Variants in STXBP5L observed in about 807,000 individuals in gnomAD.
The protein encoded by STXBP5L is syntaxin binding protein 5L, also known as syntaxin-binding protein 5-like.
In STXBP5L, 65 loss-of-function variants were observed where a neutral mutation model predicts 144.5. That is an observed-to-expected ratio of 0.45 (90% confidence interval 0.37 to 0.55). The LOEUF is 0.55. Ranked by LOEUF, STXBP5L falls within the 20% of genes least tolerant of loss-of-function variation. STXBP5L has a pLI of 0.00. For missense variants in STXBP5L, 1,298 were observed against 1,405.5 expected (o/e 0.92, Z 1.22); for synonymous variants, 505 against 469.6 (o/e 1.08, Z -0.97).
intron 19 of STXBP5L, among the ~76,000 whole-genome samples, chr3:121,287,756 G>A (rs2051281351): frequency 6.6e-6 from 1 of 151,986 alleles, no homozygotes; most frequent in Non-Finnish European, 1.5e-5. Context: ...TTGAACCCAG[G>A]AGGCAGAGGT....
At chr3:121,384,424 A>C (rs1376695920) in intron 22 of STXBP5L, among the ~76,000 whole-genome samples, 5 of 152,082 alleles carry the variant, frequency 3.3e-5, no homozygotes, top group African/African-American at 1.2e-4. Flanking sequence ...AGCATTTTCG[A>C]AGACCAAAGT....
chr3:121,324,927 A>G (rs2044093927), intron 20 of STXBP5L, among the ~76,000 whole-genome samples: 2 of 152,038 alleles, frequency 1.3e-5, no homozygotes, highest in South Asian at 4.1e-4. Context: ...TGAAATCTTA[A>G]GATCCAAACA....
chr3:121,148,650 G>C (rs2107970737), intron 7 of STXBP5L, among the ~76,000 whole-genome samples: 1 of 152,162 alleles, frequency 6.6e-6, no homozygotes, highest in South Asian at 2.1e-4. Flanking sequence ...GAAGGAAATG[G>C]AACTCATATA....
intron 3 of STXBP5L, among the ~76,000 whole-genome samples, chr3:121,039,069 T>G (rs1298628430): frequency 6.6e-6 from 1 of 152,000 alleles, no homozygotes; most frequent in Non-Finnish European, 1.5e-5. Context: ...CACTGCATTT[T>G]AAATGGGGTG....
chr3:121,255,752 C>G (rs1003084674), intron 16 of STXBP5L, among the ~76,000 whole-genome samples: 2 of 151,686 alleles, frequency 1.3e-5, no homozygotes, highest in African/African-American at 4.8e-5. Flanking sequence ...TATGGGGCAA[C>G]CTTACCTAAT....
At chr3:121,313,012 GC>G (rs1341468490) in intron 19 of STXBP5L, among the ~76,000 whole-genome samples, 1 of 151,814 alleles carries the variant, frequency 6.6e-6, no homozygotes, top group African/African-American at 2.4e-5. Flanking sequence ...GGGCAGAGGG[GC>G]TCCTCACTTC....
At chr3:121,063,814 G>GC (rs150627137) in intron 5 of STXBP5L, among the ~76,000 whole-genome samples, 15,084 of 152,076 alleles carry the variant, frequency 0.099, 1,179 homozygotes, top group Admixed American at 0.2. Context: ...GCCTACTCAA[G>GC]CTGAGTAATG....
intron 5 of STXBP5L, among the ~76,000 whole-genome samples, chr3:121,052,005 C>T (rs1465251234): frequency 2.0e-5 from 3 of 152,168 alleles, no homozygotes; most frequent in Non-Finnish European, 4.4e-5. Context: ...TTCCTGGACA[C>T]ATACACCCTC....
At chr3:121,369,898 G>A (rs535184136) in intron 20 of STXBP5L, among the ~76,000 whole-genome samples, 95 of 152,208 alleles carry the variant, frequency 6.2e-4, no homozygotes, top group Non-Finnish European at 1.0e-3. Context: ...AGCTAGGTTG[G>A]GTAAGTTCTT....
intron 3 of STXBP5L, among the ~76,000 whole-genome samples, chr3:121,037,472 T>C (rs528865875): frequency 2.0e-5 from 3 of 152,150 alleles, no homozygotes; most frequent in African/African-American, 7.2e-5. Flanking sequence ...CCCAGGCTGG[T>C]CTTGAAATCC....
At chr3:120,984,466 A>G (rs770152684) in intron 3 of STXBP5L, among the ~76,000 whole-genome samples, 56 of 151,700 alleles carry the variant, frequency 3.7e-4, no homozygotes, top group Non-Finnish European at 4.0e-4. Flanking sequence ...CTGCATGCTG[A>G]CTTTGTGTCC....
At chr3:121,008,178 A>G (rs934581006) in intron 3 of STXBP5L, among the ~76,000 whole-genome samples, 6 of 151,930 alleles carry the variant, frequency 3.9e-5, no homozygotes, top group Non-Finnish European at 8.8e-5. Flanking sequence ...AGTACTGGGC[A>G]TCGACGCCTC....
intron 9 of STXBP5L, among the ~76,000 whole-genome samples, chr3:121,163,648 G>A (rs1047889234): frequency 1.3e-5 from 2 of 151,952 alleles, no homozygotes; most frequent in East Asian, 3.9e-4. Context: ...CAAATATGTA[G>A]CAAAGATAAA....
At chr3:121,133,930 A>C (rs1271525141) in intron 7 of STXBP5L, among the ~76,000 whole-genome samples, 1 of 152,160 alleles carries the variant, frequency 6.6e-6, no homozygotes, top group Non-Finnish European at 1.5e-5. Flanking sequence ...ACAGCAAGGG[A>C]TTACATGATC....
In STXBP5L at chr3:121,115,000, A is replaced by G. The variant is rs775083454; in HGVS notation, c.546A>G (p.Val182=). ...VGTERGNTHI[V]NIESFILSGY... ...CAGAAAGAGGAAATACACATATTGT[A>G]AATATTGAATCTTTCATTCTTTCTG... Residue 182 remains valine, a synonymous_variant, in exon 6 of 27, where the codon GTA becomes GTG. Coordinates refer to ENST00000471454, the MANE Select transcript of STXBP5L (RefSeq NM_001308330.2). 56 of 1,597,008 alleles carry G rather than the reference A, an allele frequency of 3.5e-5. No individual in the cohort carries two copies. In the East Asian group the frequency reaches 1.3e-3, roughly 36 times the overall value.
intron 22 of STXBP5L, among the ~76,000 whole-genome samples, chr3:121,406,171 C>T (rs1261290571): frequency 2.6e-5 from 4 of 151,910 alleles, no homozygotes; most frequent in Admixed American, 6.6e-5. Flanking sequence ...ACCTCTACTC[C>T]CCTAGCCTCT....
At chr3:121,245,344 C>A (rs1353696111) in intron 14 of STXBP5L, among the ~76,000 whole-genome samples, 1 of 143,206 alleles carries the variant, frequency 7.0e-6, no homozygotes, top group African/African-American at 2.6e-5. Flanking sequence ...AGAAGTATGT[C>A]ACTAAAAAAA....
intron 3 of STXBP5L, among the ~76,000 whole-genome samples, chr3:120,980,457 C>G (rs1941635592): frequency 8.9e-6 from 1 of 112,630 alleles, no homozygotes; most frequent in African/African-American, 3.6e-5. Flanking sequence ...ATATAATGTC[C>G]TGCTTTTTTT....
At chr3:121,127,629 A>T (rs781203923) in intron 7 of STXBP5L, among the ~76,000 whole-genome samples, 1 of 151,606 alleles carries the variant, frequency 6.6e-6, no homozygotes. Flanking sequence ...CTAAATCCAG[A>T]ATGATTTCTT....
Sources: gnomAD v4.1 joint callset for allele counts (sites outside exome capture counted in the v4.1 genomes callset) on GRCh38, gnomAD v4.1.1 for gene constraint, MANE v1.5 for transcripts, NCBI Gene and HGNC (gene_info 2026-07-23, HGNC 2026-07-21) for gene names.